Variants in PCDHGA1 observed in about 807,000 individuals in gnomAD.
PCDHGA1 encodes the protein protocadherin gamma-A1.
PCDHGA1 carries 32 observed loss-of-function variants against 58.0 expected under a neutral mutation model. The ratio of observed to expected loss-of-function variants is 0.55; its 90% confidence interval spans 0.42 to 0.74. PCDHGA1 has a LOEUF of 0.74. Ranked by LOEUF, PCDHGA1 falls within the 30% of genes least tolerant of loss-of-function variation. The pLI, the probability that PCDHGA1 is intolerant of heterozygous loss-of-function variation, is 0.00. For synonymous variants in PCDHGA1, 498 were observed against 501.1 expected (o/e 0.99, Z 0.08); for missense variants, 1,205 against 1,182.3 (o/e 1.02, Z -0.28).
intron 1 of PCDHGA1, chr5:141,419,057 A>T: frequency 6.2e-7 from 1 of 1,613,900 alleles, no homozygotes; most frequent in East Asian, 2.2e-5. Flanking sequence ...TTCTTCTAAT[A>T]ATTACTACAA....
At chr5:141,430,285 T>C (rs1456678142) in intron 1 of PCDHGA1, among the ~76,000 whole-genome samples, 18 of 151,710 alleles carry the variant, frequency 1.2e-4, no homozygotes, top group Admixed American at 1.2e-3. Flanking sequence ...GGAACAGTAA[T>C]CTCAAAGCAG....
At chr5:141,378,827 A>G (rs983017381) in intron 1 of PCDHGA1, 1 of 152,256 alleles carries the variant, frequency 6.6e-6, no homozygotes, top group African/African-American at 2.4e-5. Flanking sequence ...TTTCATGAAC[A>G]GAAAACAGCA....
rs1248191692 is a variant in PCDHGA1, at chr5:141,419,519, G to T, written c.2422-75288G>T. The T allele has an allele frequency of 1.9e-6, 3 of 1,612,180 alleles. No homozygotes were observed. Among genetic ancestry groups the T allele is most frequent in the Non-Finnish European group, 1.7e-6 (2 of 1,179,504 alleles). ...TGTGAGCCTGCGCGTGTTGGTGGGC[G>T]ACCGTAACGACAACGCACCGCGGGT... On this transcript the variant is annotated intron_variant, in intron 1 of 3. Coordinates refer to ENST00000517417, the MANE Select transcript of PCDHGA1 (RefSeq NM_018912.3).
chr5:141,399,731 CGCCTGCGCTCAGCGCAAACGTGA>C (rs777966215), intron 1 of PCDHGA1: 5 of 1,613,174 alleles, frequency 3.1e-6, no homozygotes, highest in Admixed American at 1.7e-5. Flanking sequence ...GACCAGGGCT[CGCCTGCGCTCAGCGCAAACGTGA>C]GCCTGCGCGT....
intron 1 of PCDHGA1, among the ~76,000 whole-genome samples, chr5:141,381,193 T>C (rs1052848234): frequency 2.6e-5 from 4 of 152,260 alleles, no homozygotes; most frequent in African/African-American, 9.6e-5. Context: ...TAAGCTTTCT[T>C]AGTGTTAGTT....
In PCDHGA1 at chr5:141,485,037, C is replaced by T. The variant is rs2099605532; in HGVS notation, c.2422-9770C>T. 1.0e-5 allele frequency: 7 copies of T among 702,746 alleles called. No individual in the cohort carries two copies. Among genetic ancestry groups the T allele is most frequent in the Non-Finnish European group, 1.5e-5 (6 of 402,836 alleles). 43.5% of individuals were successfully genotyped at this position (702,746 alleles called of 1,614,324 possible). A position where few individuals can be genotyped will look rare whatever the true frequency, so the allele number is the denominator to read the frequency against. ...GCCACCAGCAAAAACGGCGCGTAAC[C>T]CTTGCGGCGCCGGCCGAACCGCGCC... is the stretch of plus-strand genomic sequence containing the variant. On this transcript the variant is annotated intron_variant, in intron 1 of 3. Transcript: ENST00000517417. The surrounding 1 kb of genome is among the most constrained non-coding windows in gnomAD (Gnocchi z 5.7).
chr5:141,398,684 A>G (rs752285568), intron 1 of PCDHGA1: 1 of 1,613,958 alleles, frequency 6.2e-7, no homozygotes, highest in Admixed American at 1.7e-5. Context: ...AAGGAGAAAC[A>G]GGATGGTAGT....
At chr5:141,365,177 A>G in intron 1 of PCDHGA1, 3 of 1,613,884 alleles carry the variant, frequency 1.9e-6, no homozygotes, top group Non-Finnish European at 2.5e-6. Context: ...CTCTTTTCGC[A>G]ATGAAGAAGA....
intron 1 of PCDHGA1, chr5:141,413,835 C>T (rs762735722): frequency 1.9e-6 from 3 of 1,613,258 alleles, no homozygotes. Context: ...CCGCCTCCGA[C>T]GGGGGTGACC....
intron 1 of PCDHGA1, chr5:141,420,545 A>G: frequency 3.5e-6 from 1 of 289,066 alleles, no homozygotes; most frequent in Non-Finnish European, 6.2e-6. Flanking sequence ...TATAAAATAC[A>G]GGTATATTTT....
chr5:141,476,783 G>C lies in PCDHGA1; in HGVS notation c.2422-18024G>C. ...GACGGCGTTGGACGGAGGGACCCCAGCTCTCTCCGCCAGCCTGCCTATTCA... is the reference window on the plus strand; with the variant it reads ...GACGGCGTTGGACGGAGGGACCCCACCTCTCTCCGCCAGCCTGCCTATTCA... On this transcript the variant is annotated intron_variant, in intron 1 of 3. Coordinates refer to ENST00000517417, the MANE Select transcript of PCDHGA1 (RefSeq NM_018912.3). This position sits in a 1 kb window ranked among gnomAD's most constrained non-coding sequence, Gnocchi z 7.6. The C allele has an allele frequency of 6.2e-7, 1 of 1,613,510 alleles. No homozygotes were observed. The highest frequency in any genetic ancestry group is 8.5e-7 in the Non-Finnish European group (1 of 1,180,030).
In PCDHGA1 at chr5:141,485,062, C is replaced by T. The variant is rs2099606141; in HGVS notation, c.2422-9745C>T. 2.3e-6 allele frequency: 2 copies of T among 876,222 alleles called. No individual in the cohort carries two copies. Among genetic ancestry groups the T allele is most frequent in the Non-Finnish European group, 3.6e-6 (2 of 552,684 alleles). 54.3% of individuals were successfully genotyped at this position (876,222 alleles called of 1,614,324 possible). ...CCTTGCGGCGCCGGCCGAACCGCGCCAGAGCTGGCGCGGGGAAAGGGAGAT... is the reference window on the plus strand; with the variant it reads ...CCTTGCGGCGCCGGCCGAACCGCGCTAGAGCTGGCGCGGGGAAAGGGAGAT... On this transcript the variant is annotated intron_variant, in intron 1 of 3. Coordinates refer to ENST00000517417, the MANE Select transcript of PCDHGA1 (RefSeq NM_018912.3). The surrounding 1 kb of genome is among the most constrained non-coding windows in gnomAD (Gnocchi z 5.7).
At chr5:141,356,452 T>C in intron 1 of PCDHGA1, 1 of 1,613,258 alleles carries the variant, frequency 6.2e-7, no homozygotes, top group Non-Finnish European at 8.5e-7. Flanking sequence ...AGTCTCAGAA[T>C]ATAACATCAC....
chr5:141,350,542 A>G (rs780885153), intron 1 of PCDHGA1: 1 of 1,614,032 alleles, frequency 6.2e-7, no homozygotes, highest in Non-Finnish European at 8.5e-7. Context: ...AGATTTGCGG[A>G]AGGAAACTTG....
rs755830997 is a variant in PCDHGA1 at position 141,339,490 on chromosome 5, C to T, written c.2421+6385C>T. 4.3e-6 allele frequency: 7 copies of T among 1,614,196 alleles called. No individual in the cohort carries two copies. The South Asian group carries it at 7.7e-5, about 18-fold the overall frequency. On this transcript the variant is annotated intron_variant, in intron 1 of 3. Transcript: ENST00000517417. ...ACGCCCTTCAGAAGTACGCACTCAA[C>T]CCAAATGACCACTTCTCCCTGGACG...
intron 1 of PCDHGA1, chr5:141,416,753 G>A (rs1168212796): frequency 1.3e-5 from 2 of 152,154 alleles, no homozygotes; most frequent in Non-Finnish European, 2.9e-5. Context: ...GACGTATTAG[G>A]TAGATCTCTT....
chr5:141,365,735 G>T (rs1764082475), intron 1 of PCDHGA1: 6 of 1,613,626 alleles, frequency 3.7e-6, no homozygotes, highest in Non-Finnish European at 5.1e-6. Flanking sequence ...TCCCAGAGGT[G>T]TCTCTATCTT....
At chr5:141,404,058 T>C (rs1411363585) in intron 1 of PCDHGA1, 1 of 1,613,778 alleles carries the variant, frequency 6.2e-7, no homozygotes, top group Non-Finnish European at 8.5e-7. Flanking sequence ...ATTCTTCTTT[T>C]CAATGCTCAT....
chr5:141,436,594 G>A (rs79477223), intron 1 of PCDHGA1, among the ~76,000 whole-genome samples: 2 of 152,106 alleles, frequency 1.3e-5, no homozygotes, highest in African/African-American at 2.4e-5. Flanking sequence ...AAAGGTCGTG[G>A]TGATGGCTAG....
Sources: allele counts gnomAD v4.1 joint callset (sites outside exome capture counted in the v4.1 genomes callset), GRCh38; gene constraint gnomAD v4.1.1; non-coding constraint Gnocchi (gnomAD v3.1); transcripts MANE v1.5; gene names NCBI Gene and HGNC (gene_info 2026-07-23, HGNC 2026-07-21).